Variants in POGLUT3 observed in about 807,000 individuals in gnomAD.
POGLUT3 encodes protein O-glucosyltransferase 3, also known as KDEL (Lys-Asp-Glu-Leu) containing 2.
A neutral mutation model predicts 54.3 loss-of-function variants in POGLUT3; 48 were observed. That is an observed-to-expected ratio of 0.88 (90% confidence interval 0.70 to 1.12). The LOEUF (loss-of-function observed/expected upper bound fraction) is 1.12. Ranked by LOEUF, POGLUT3 falls within the 50% of genes most tolerant of loss-of-function variation. The probability of loss-of-function intolerance (pLI) is 0.00; values close to 1 mark genes in which losing one functional copy is unlikely to be tolerated. For missense variants in POGLUT3, 629 were observed against 618.7 expected, an observed-to-expected ratio of 1.02 and a Z score of -0.18; for synonymous variants, 218 against 237.4, an observed-to-expected ratio of 0.92 and a Z score of 0.75.
In POGLUT3 at chr11:108,473,735, A is replaced by G. The variant is rs1197098065; in HGVS notation, c.*1092T>C. ...ACTACAGTTATCTTTCACCTATTCA[A>G]TATAGAGATAATGAATGATGCCTAT... On this transcript the variant is annotated 3_prime_UTR_variant, in exon 8 of 8. Transcript: ENST00000323468. 6.6e-6 allele frequency: 1 copy of G among 152,186 alleles called. No individual in the cohort carries two copies. Among genetic ancestry groups the G allele is most frequent in the African/African-American group, 2.4e-5 (1 of 41,454 alleles). The allele number at this position is 152,186 out of a possible 1,614,324, so 9.4% of individuals were successfully genotyped here.
chr11:108,491,424 A>T, intron 1 of POGLUT3: 1 of 569,104 alleles, frequency 1.8e-6, no homozygotes, highest in Non-Finnish European at 3.1e-6. Context: ...GCAGAATCCT[A>T]GCTCATTACA....
Position 108,490,791 on chromosome 11 carries a change from TATC to T in POGLUT3, c.400+176_400+178del, listed in dbSNP as rs2093611667. On this transcript the variant is annotated intron_variant, in intron 2 of 7. Transcript: ENST00000323468. ...ATGTAAATACACAAGATTTTTTTCT[TATC>T]ATTTAAATCTCTTTACTTAATTTTC... 2.6e-5 allele frequency among the ~76,000 whole-genome samples: 4 copies of T among 152,254 alleles called. No individual in the cohort carries two copies. In the South Asian group the frequency reaches 8.3e-4, roughly 32 times the overall value.
chr11:108,475,366 G>A (rs1465244195), intron 7 of POGLUT3, among the ~76,000 whole-genome samples: 1 of 151,864 alleles, frequency 6.6e-6, no homozygotes. Flanking sequence ...TTTCTTTTAG[G>A]CCTATAGTCA....
intron 3 of POGLUT3, among the ~76,000 whole-genome samples, chr11:108,483,368 T>C (rs944577120): frequency 2.0e-5 from 3 of 152,198 alleles, no homozygotes; most frequent in Middle Eastern, 3.2e-3. Context: ...GTCTCCTTTC[T>C]CATCCTCCAA....
At position 108,474,877 on chromosome 11, in the gene POGLUT3, T is replaced by G. The variant is rs1244917189; in HGVS notation, c.1474A>C (p.Thr492Pro). 6.2e-7 allele frequency: 1 copy of G among 1,613,990 alleles called. No homozygotes were observed. The highest frequency in any genetic ancestry group is 8.5e-7 in the Non-Finnish European group (1 of 1,179,992). Residue 492 changes from threonine to proline, a missense_variant, in exon 8 of 8, where the codon ACA (threonine) becomes CCA (proline). By Grantham distance (38) the Thr-to-Pro change is conservative. Coordinates refer to ENST00000323468, the MANE Select transcript of POGLUT3 (RefSeq NM_153705.5). ...TTCCTGTGGCACTGGCAGATGGCTG[T>G]GCTATCTTCTGGCTGAGGAACAAGT... ...MELVPQPEDS[T>P]AICQCHRKKP...
chr11:108,492,954 A>G (rs892470981), intron 1 of POGLUT3, among the ~76,000 whole-genome samples: 135 of 152,270 alleles, frequency 8.9e-4, no homozygotes, highest in Non-Finnish European at 1.6e-3. Context: ...AAGTCTGGGA[A>G]TTGGAAAGCC....
intron 1 of POGLUT3, among the ~76,000 whole-genome samples, chr11:108,493,075 T>C (rs2093615988): frequency 1.3e-5 from 2 of 152,138 alleles, no homozygotes; most frequent in Non-Finnish European, 2.9e-5. Flanking sequence ...AAAACAGTTA[T>C]AAGACAAGAA....
intron 1 of POGLUT3, among the ~76,000 whole-genome samples, chr11:108,496,640 A>C (rs1385972742): frequency 1.3e-5 from 2 of 152,210 alleles, no homozygotes; most frequent in African/African-American, 2.4e-5. Flanking sequence ...CAGTTGTCTG[A>C]GTATTTAGGG....
rs930169343 is a variant in POGLUT3, at chr11:108,481,391, C to A, written c.902-15G>T. The A allele has an allele frequency of 7.1e-6, 11 of 1,540,630 alleles. No individual in the cohort carries two copies. The highest frequency in any genetic ancestry group is 6.9e-6 in the Non-Finnish European group (8 of 1,151,640). On this transcript the variant is annotated splice_polypyrimidine_tract_variant and intron_variant, in intron 4 of 7. Coordinates refer to ENST00000323468, the MANE Select transcript of POGLUT3 (RefSeq NM_153705.5). ...CCAGGAAGGCCCTACAAGTTTGAAG[C>A]CATAAAAAAATTAGGATTATGAATT...
intron 7 of POGLUT3, among the ~76,000 whole-genome samples, chr11:108,475,471 T>TTG (rs1416285641): frequency 7.1e-4 from 101 of 142,288 alleles, no homozygotes; most frequent in Non-Finnish European, 1.2e-3. Context: ...TTGTTTTTGT[T>TTG]TTTTTTTTTT....
chr11:108,482,174 A>T lies in POGLUT3; in HGVS notation c.733T>A (p.Leu245Met). ...EFYVNLGDWP[L>M]EHRKVNGTPS... is the part of the protein sequence containing the mutation. ...GTTCCATTGACTTTTCGATGCTCCA[A>T]GGGCCAATCTCCAAGATTAACATAA... Residue 245 changes from leucine to methionine, a missense_variant, in exon 4 of 8, where the codon TTG becomes ATG. Leu to Met is a conservative substitution (Grantham distance 15). Transcript: ENST00000323468. 6.2e-7 allele frequency: 1 copy of T among 1,614,186 alleles called. No homozygotes were observed. The highest frequency in any genetic ancestry group is 8.5e-7 in the Non-Finnish European group (1 of 1,180,014).
At chr11:108,489,654 G>T (rs1177543283) in intron 2 of POGLUT3, among the ~76,000 whole-genome samples, 1 of 152,198 alleles carries the variant, frequency 6.6e-6, no homozygotes, top group South Asian at 2.1e-4. Flanking sequence ...GGGCATGGTG[G>T]CTCATGCCTG....
intron 3 of POGLUT3, among the ~76,000 whole-genome samples, chr11:108,485,707 G>A (rs111874582): frequency 2.6e-5 from 4 of 151,248 alleles, no homozygotes; most frequent in Admixed American, 2.6e-4. Context: ...ACCCAGGTTG[G>A]AGTGCAGTGG....
Position 108,482,072 on chromosome 11 carries a change from T to A in POGLUT3, c.835A>T (p.Thr279Ser), listed in dbSNP as rs2093593846. Residue 279 changes from threonine (T) to serine (S), a missense_variant, in exon 4 of 8, where the codon ACC becomes TCC. Physicochemically the swap from Thr to Ser is moderately conservative, Grantham distance 58. Transcript: ENST00000323468. ...RDVVLPTYDI[T>S]HSMLEAMRGV... is the part of the protein sequence containing the mutation. ...CGCATGGCTTCAAGCATGGAGTGGG[T>A]GATGTCATACGTTGGAAGGACAACA... is the stretch of plus-strand genomic sequence containing the variant. 6.2e-7 allele frequency: 1 copy of A among 1,614,134 alleles called. No homozygotes were observed.
chr11:108,476,323 G>A (rs1485047038), intron 7 of POGLUT3, among the ~76,000 whole-genome samples: 1 of 152,072 alleles, frequency 6.6e-6, no homozygotes, highest in Non-Finnish European at 1.5e-5. Context: ...AGTAGAGACG[G>A]GGTTTGACCA....
At chr11:108,492,557 G>C (rs1162826949) in intron 1 of POGLUT3, among the ~76,000 whole-genome samples, 1 of 152,130 alleles carries the variant, frequency 6.6e-6, no homozygotes, top group Admixed American at 6.5e-5. Flanking sequence ...TCTAAATCGA[G>C]TGAGTGTAAT....
chr11:108,478,898 C>T (rs971512888), intron 6 of POGLUT3, among the ~76,000 whole-genome samples: 1 of 152,174 alleles, frequency 6.6e-6, no homozygotes, highest in Non-Finnish European at 1.5e-5. Flanking sequence ...GTATAACACG[C>T]ATTCATTAAG....
chr11:108,491,982 T>C (rs2093614160), intron 1 of POGLUT3, among the ~76,000 whole-genome samples: 1 of 152,080 alleles, frequency 6.6e-6, no homozygotes, highest in African/African-American at 2.4e-5. Context: ...TGTGAAAATT[T>C]CCCCGTTTAT....
chr11:108,486,633 C>T, intron 2 of POGLUT3, 193 bp from the exon 3 acceptor site: 1 of 602,282 alleles, frequency 1.7e-6, no homozygotes, highest in Non-Finnish European at 2.9e-6. Context: ...CTTGGATAAA[C>T]AGTTTAGTAT....
Sources: gnomAD v4.1 joint callset for allele counts (sites outside exome capture counted in the v4.1 genomes callset) on GRCh38, gnomAD v4.1.1 for gene constraint, MANE v1.5 for transcripts, NCBI Gene and HGNC (gene_info 2026-07-23, HGNC 2026-07-21) for gene names.